Variants in MRC1 observed in about 807,000 individuals in gnomAD.
MRC1 encodes mannose receptor C-type 1, also known as macrophage mannose receptor 1.
MRC1 carries 62 observed loss-of-function variants against 102.9 expected under a neutral mutation model. The ratio of observed to expected loss-of-function variants is 0.60; its 90% CI spans 0.49 to 0.74. The LOEUF (loss-of-function observed/expected upper bound fraction) is 0.74, where lower values mean the gene tolerates loss of function less well. MRC1 is among the 30% of genes least tolerant of loss of function. The pLI, the probability that MRC1 is intolerant of heterozygous loss-of-function variation, is 0.00. For synonymous variants in MRC1, 457 were observed against 298.4 expected (o/e 1.53, Z -5.48); for missense variants, 1,237 against 862.8 (o/e 1.43, Z -5.43).
intron 21 of MRC1, among the ~76,000 whole-genome samples, chr10:17,881,670 A>ATTTTTTTTTTTTTTT (rs1184943960): frequency 9.7e-6 from 1 of 102,782 alleles, no homozygotes; most frequent in Admixed American, 1.2e-4. Flanking sequence ...ACAAATTTTG[A>ATTTTTTTTTTTTTTT]TTTTTTTTTT....
In MRC1 at chr10:17,856,406, G is replaced by A. The variant is rs941371692; in HGVS notation, c.1518+54G>A. The A allele has an allele frequency of 4.3e-5, 35 of 809,100 alleles. No homozygotes were observed. The East Asian group carries it at 6.0e-4, about 14-fold the overall frequency. 50.1% of individuals were successfully genotyped at this position (809,100 alleles called of 1,614,324 possible). A position where few individuals can be genotyped will look rare whatever the true frequency, so the allele number is the denominator to read the frequency against. On this transcript the variant is annotated intron_variant, in intron 9 of 29. Coordinates refer to ENST00000569591, the MANE Select transcript of MRC1 (RefSeq NM_002438.4). The stretch of plus-strand genomic sequence containing the variant: ...AGCTGAGCACGTATGAGTTGATACC[G>A]TTGGCTTTATTTTTATGTGTGAAAG...
intron 1 of MRC1, among the ~76,000 whole-genome samples, chr10:17,819,160 A>G (rs1414718553): frequency 6.6e-6 from 1 of 152,188 alleles, no homozygotes; most frequent in African/African-American, 2.4e-5. Flanking sequence ...AATGTGGTGT[A>G]CATCGCAGGC....
At chr10:17,866,472 C>A in intron 11 of MRC1, 90 bp from the exon 12 acceptor site, 1 of 779,934 alleles carries the variant, frequency 1.3e-6, no homozygotes, top group South Asian at 1.3e-5. Flanking sequence ...CATCAGAACC[C>A]TGATGCTCGG....
Position 17,901,984 on chromosome 10 carries a change from A to G in MRC1, c.3661A>G (p.Thr1221Ala), listed in dbSNP as rs1489872623. 2.6e-6 allele frequency: 2 copies of G among 780,670 alleles called. No individual in the cohort carries two copies. The highest frequency in any genetic ancestry group is 4.8e-6 in the Non-Finnish European group (2 of 417,956). The allele number at this position is 780,670 out of a possible 1,614,324, so 48.4% of individuals were successfully genotyped here. The change falls in exon 26 of 30, where the codon ACT becomes GCT. Residue 1221 changes from threonine to alanine, a missense_variant. By Grantham distance (58) the Thr-to-Ala change is moderately conservative. Transcript: ENST00000569591. ...GTTTTTATTAACAGAAATCCCTGCT[A>G]CTGAACCCCCACAACTGCCTGGCAG... The part of the protein sequence containing the change: ...LCKRSDEIPA[T>A]EPPQLPGRCP...
At chr10:17,835,643 C>T (rs1413200135) in intron 4 of MRC1, among the ~76,000 whole-genome samples, 1 of 152,154 alleles carries the variant, frequency 6.6e-6, no homozygotes, top group Non-Finnish European at 1.5e-5. Context: ...GGAAGGGTCT[C>T]ACCAAACATT....
At position 17,910,478 on chromosome 10, in the gene MRC1, A is replaced by T. The variant is rs1833954658; in HGVS notation, c.*13A>T. 1.3e-6 allele frequency: 1 copy of T among 780,374 alleles called. No individual in the cohort carries two copies. Among genetic ancestry groups the T allele is most frequent in the Non-Finnish European group, 2.4e-6 (1 of 417,896 alleles). 48.3% of individuals were successfully genotyped at this position (780,374 alleles called of 1,614,324 possible). ...CTCGGTCATCTAGTACCTCAATGCG[A>T]TTCTGAGATATTTGAATTTCATAAA... On this transcript the variant is annotated 3_prime_UTR_variant, in exon 30 of 30. Coordinates refer to ENST00000569591, the MANE Select transcript of MRC1 (RefSeq NM_002438.4).
intron 19 of MRC1, 37 bp from the exon 20 acceptor site, chr10:17,880,488 C>T: frequency 1.3e-6 from 1 of 780,512 alleles, no homozygotes; most frequent in Non-Finnish European, 2.4e-6. Context: ...AAAACATAAA[C>T]ATATGAATCT....
chr10:17,842,690 T>G (rs1220648120), intron 5 of MRC1, among the ~76,000 whole-genome samples: 4 of 152,240 alleles, frequency 2.6e-5, no homozygotes, highest in African/African-American at 9.6e-5. Context: ...TTCTTCTTTG[T>G]GTTGCTAAAT....
intron 11 of MRC1, chr10:17,865,378 T>A (rs1445550540): frequency 6.6e-6 from 1 of 152,160 alleles, no homozygotes; most frequent in Non-Finnish European, 1.5e-5. Context: ...GTGCATACTT[T>A]AAAAACACAT....
At chr10:17,835,038 G>C (rs1838642048) in intron 4 of MRC1, among the ~76,000 whole-genome samples, 1 of 152,160 alleles carries the variant, frequency 6.6e-6, no homozygotes, top group African/African-American at 2.4e-5. Flanking sequence ...ATTCAAGATT[G>C]CCACCTGCTG....
intron 1 of MRC1, among the ~76,000 whole-genome samples, chr10:17,810,312 A>C (rs1337231930): frequency 4.6e-5 from 7 of 152,150 alleles, no homozygotes; most frequent in African/African-American, 7.2e-5. Flanking sequence ...GATTTAGAAG[A>C]GATTTCAAAT....
At chr10:17,900,097 CAAAAAAAAA>C (rs1156472499) in intron 24 of MRC1, among the ~76,000 whole-genome samples, 4 of 106,894 alleles carry the variant, frequency 3.7e-5, no homozygotes, top group Non-Finnish European at 7.6e-5. Context: ...AGACTTCTCT[CAAAAAAAAA>C]AAAAAAAAAA....
In MRC1 at chr10:17,898,229, C is replaced by G. The variant is rs1253156216; in HGVS notation, c.3446C>G (p.Ser1149Cys). The stretch of plus-strand genomic sequence containing the variant: ...TTTGCGTGGCTGCAGATGGAAACAT[C>G]TAATGAACGTGTGTGGATCGCCCTG... ...NAFAWLQMET[S>C]NERVWIALNS... is the part of the protein sequence containing the mutation. Residue 1149 changes from serine to cysteine, a missense_variant, in exon 24 of 30, where the codon TCT becomes TGT. Physicochemically the swap from Ser to Cys is moderately radical, Grantham distance 112. Coordinates refer to ENST00000569591, the MANE Select transcript of MRC1 (RefSeq NM_002438.4). 3.8e-6 allele frequency: 3 copies of G among 780,708 alleles called. No homozygotes were observed. Among genetic ancestry groups the G allele is most frequent in the African/African-American group, 3.4e-5 (2 of 59,144 alleles). The allele number at this position is 780,708 out of a possible 1,614,324, so 48.4% of individuals were successfully genotyped here.
At chr10:17,887,385 C>T (rs1238134690) in intron 22 of MRC1, among the ~76,000 whole-genome samples, 10 of 151,916 alleles carry the variant, frequency 6.6e-5, no homozygotes, top group Admixed American at 1.3e-4. Context: ...AGCGAGACTC[C>T]GCCTCAAAAC....
chr10:17,814,951 C>G (rs1474145644), intron 1 of MRC1, among the ~76,000 whole-genome samples: 1 of 152,076 alleles, frequency 6.6e-6, no homozygotes, highest in Non-Finnish European at 1.5e-5. Context: ...CAGGCGGGAG[C>G]CACCGTGCCT....
chr10:17,893,232 T>C (rs1271481545), intron 22 of MRC1, among the ~76,000 whole-genome samples: 1 of 143,724 alleles, frequency 7.0e-6, no homozygotes, highest in Non-Finnish European at 1.5e-5. Context: ...CATAGCTCAC[T>C]GCAGCCTCAA....
At chr10:17,828,716 A>G (rs1838522169) in intron 3 of MRC1, among the ~76,000 whole-genome samples, 1 of 151,586 alleles carries the variant, frequency 6.6e-6, no homozygotes, top group African/African-American at 2.4e-5. Flanking sequence ...GGTAATTTAT[A>G]TGCTTCAAGG....
At chr10:17,848,014 A>G (rs1838852159) in intron 6 of MRC1, among the ~76,000 whole-genome samples, 1 of 151,134 alleles carries the variant, frequency 6.6e-6, no homozygotes, top group African/African-American at 2.4e-5. Flanking sequence ...TTTTATTACA[A>G]TTGTACAGCA....
At chr10:17,900,205 T>C (rs1276120792) in intron 24 of MRC1, among the ~76,000 whole-genome samples, 2 of 151,498 alleles carry the variant, frequency 1.3e-5, no homozygotes, top group Non-Finnish European at 2.9e-5. Context: ...ACCACCTCAC[T>C]AGAATATAGC....
Sources: gnomAD v4.1 joint callset for allele counts (sites outside exome capture counted in the v4.1 genomes callset) on GRCh38, gnomAD v4.1.1 for gene constraint, MANE v1.5 for transcripts, NCBI Gene and HGNC (gene_info 2026-07-23, HGNC 2026-07-21) for gene names.